The following CEP43 variants were observed in gnomAD, a reference collection of about 807,000 sequenced individuals.
The protein encoded by CEP43 is FGFR1 oncogene partner.
In CEP43, 36 loss-of-function variants were observed where a neutral mutation model predicts 52.6. The ratio of observed to expected loss-of-function variants is 0.68; its 90% CI spans 0.52 to 0.90. CEP43 has a LOEUF of 0.90. CEP43 is among the 40% of genes least tolerant of loss of function. The pLI is 0.00. For missense variants in CEP43, 506 were observed against 472.8 expected (o/e 1.07, Z -0.65); for synonymous variants, 192 against 172.4 (o/e 1.11, Z -0.89).
rs563784246 is a variant in CEP43, at chr6:167,026,421, T to C, written c.920-126T>C. On this transcript the variant is annotated intron_variant, in intron 9 of 12. Transcript: ENST00000366847. ...TCATTAATCACAGTTTATTTTTTCC[T>C]TAGTTTTAGGTTATTATGCTCCTGT... 206 of 667,872 alleles carry C rather than the reference T, an allele frequency of 3.1e-4. No individual in the cohort carries two copies. In the African/African-American group the frequency reaches 3.5e-3, roughly 11 times the overall value. 41.4% of individuals were successfully genotyped at this position (667,872 alleles called of 1,614,324 possible).
rs1348480376 is a variant in CEP43 at position 167,000,049 on chromosome 6, T to C, written c.103-11T>C. On this transcript the variant is annotated splice_polypyrimidine_tract_variant and intron_variant, in intron 1 of 12. Transcript: ENST00000366847. ...AAATTATAATTTCCTGTTTCTTAAC[T>C]TTTTTTTAAGGCTGAACTCCGAGCA... The C allele has an allele frequency of 6.2e-7, 1 of 1,600,968 alleles. No individual in the cohort carries two copies. Among genetic ancestry groups the C allele is most frequent in the African/African-American group, 1.3e-5 (1 of 74,452 alleles).
At chr6:167,010,173 G>A (rs1451324971) in intron 5 of CEP43, among the ~76,000 whole-genome samples, 1 of 152,224 alleles carries the variant, frequency 6.6e-6, no homozygotes, top group East Asian at 1.9e-4. Flanking sequence ...TGGATGAATT[G>A]TAGGAAGTGA....
At chr6:167,006,609 AAGTT>A (rs1360300682) in intron 5 of CEP43, among the ~76,000 whole-genome samples, 2 of 152,252 alleles carry the variant, frequency 1.3e-5, no homozygotes, top group Non-Finnish European at 2.9e-5. Context: ...TATTAGATAT[AAGTT>A]AGACACGATT....
At chr6:167,023,520 T>G (rs73028277) in intron 8 of CEP43, among the ~76,000 whole-genome samples, 3,083 of 152,236 alleles carry the variant, frequency 0.02, 51 homozygotes, top group East Asian at 0.091. Flanking sequence ...CTGTGCTAAG[T>G]TAGAGAAGAT....
In CEP43 at chr6:167,015,339, CCTTA is replaced by C. The variant is rs1472376238; in HGVS notation, c.579+1777_579+1780del. Reference sequence around the variant, plus strand: ...TGTACCCCATGTGGCCTATTGCCAGCCTTACTTATATGGGTAAGCCCTTAGCTCT... The same window carrying C: ...TGTACCCCATGTGGCCTATTGCCAGCCTTATATGGGTAAGCCCTTAGCTCT... On this transcript the variant is annotated intron_variant, in intron 7 of 12. Transcript: ENST00000366847. 2.6e-5 allele frequency among the ~76,000 whole-genome samples: 4 copies of C among 152,350 alleles called. No homozygotes were observed. The South Asian group carries it at 8.3e-4, about 32-fold the overall frequency.
chr6:167,023,302 G>T (rs183005658), intron 8 of CEP43, among the ~76,000 whole-genome samples: 86 of 152,306 alleles, frequency 5.6e-4, no homozygotes, highest in South Asian at 1.2e-3. Flanking sequence ...AGGTTGCTGG[G>T]GAAGGTTGGT....
intron 8 of CEP43, among the ~76,000 whole-genome samples, 188 bp downstream of exon 8, chr6:167,022,823 T>C (rs1171199902): frequency 6.6e-6 from 1 of 152,134 alleles, no homozygotes; most frequent in African/African-American, 2.4e-5. Flanking sequence ...TAGACATGAT[T>C]TATTCCAACA....
intron 10 of CEP43, among the ~76,000 whole-genome samples, chr6:167,027,413 A>G (rs1287629793): frequency 2.6e-5 from 4 of 152,068 alleles, no homozygotes; most frequent in African/African-American, 9.7e-5. Context: ...CAGGTTCTCA[A>G]TGGCCACTTC....
rs1342296341 is a variant in CEP43 at position 167,027,448 on chromosome 6, G to A, written c.988+833G>A. On this transcript the variant is annotated intron_variant, in intron 10 of 12. Coordinates refer to ENST00000366847, the MANE Select transcript of CEP43 (RefSeq NM_007045.4). ...CCTATGCTCTCTGTGGATGTGATGG[G>A]ATCCCTTCCTGGTCTGTAATCACTC... Among the ~76,000 whole-genome samples, 3 of 146,008 alleles carry A rather than the reference G, an allele frequency of 2.1e-5. No homozygotes were observed. In the South Asian group the frequency reaches 6.5e-4, roughly 31 times the overall value.
rs567966438 is a variant in CEP43 at position 167,022,955 on chromosome 6, A to G, written c.806+320A>G. 6.6e-5 allele frequency among the ~76,000 whole-genome samples: 10 copies of G among 152,134 alleles called. No homozygotes were observed. The South Asian group carries it at 1.0e-3, about 16-fold the overall frequency. On this transcript the variant is annotated intron_variant, in intron 8 of 12. Coordinates refer to ENST00000366847, the MANE Select transcript of CEP43 (RefSeq NM_007045.4). Reference sequence around the variant, plus strand: ...CATGCTCTGGTGACAGAGTCAGGCAATGAGGGTTATGCTGCAGTGTGTGGG... The same window carrying G: ...CATGCTCTGGTGACAGAGTCAGGCAGTGAGGGTTATGCTGCAGTGTGTGGG...
In CEP43 at chr6:167,041,721, C is replaced by T. The variant is rs1780699293; in HGVS notation, c.*1743C>T. ...TCGAACAGTAGCAACTGAAATTTGT[C>T]ACTTTTCTGTTACGCAGAGAATCAG... is the stretch of plus-strand genomic sequence containing the variant. On this transcript the variant is annotated 3_prime_UTR_variant, in exon 13 of 13. Coordinates refer to ENST00000366847, the MANE Select transcript of CEP43 (RefSeq NM_007045.4). 3 of 1,029,940 alleles carry T rather than the reference C, an allele frequency of 2.9e-6. No homozygotes were observed. Among genetic ancestry groups the T allele is most frequent in the South Asian group, 9.2e-5 (2 of 21,684 alleles). The allele number at this position is 1,029,940 out of a possible 1,614,324, so 63.8% of individuals were successfully genotyped here.
intron 5 of CEP43, among the ~76,000 whole-genome samples, chr6:167,004,670 C>T (rs1357087086): frequency 1.8e-5 from 1 of 56,498 alleles, no homozygotes; most frequent in Admixed American, 2.4e-4. Flanking sequence ...ATCCCAACTC[C>T]TCGTTGCCTC....
Position 167,004,395 on chromosome 6 carries a change from T to C in CEP43, c.432T>C (p.Thr144=). The C allele has an allele frequency of 1.3e-6, 2 of 1,588,216 alleles. No homozygotes were observed. Among genetic ancestry groups the C allele is most frequent in the Non-Finnish European group, 1.7e-6 (2 of 1,169,814 alleles). Residue 144 remains threonine (T), a synonymous_variant, in exon 5 of 13, where the codon ACT becomes ACC. Coordinates refer to ENST00000366847, the MANE Select transcript of CEP43 (RefSeq NM_007045.4). ...RCQQKEKGPT[T]GEGALDLSDV... is the part of the protein sequence containing the mutation. ...AACAGAAAGAAAAAGGGCCAACCACTGGGGAAGTAAGTAGAATTCTGTGTT... is the reference window on the plus strand; with the variant it reads ...AACAGAAAGAAAAAGGGCCAACCACCGGGGAAGTAAGTAGAATTCTGTGTT...
At chr6:167,029,722 C>T (rs1204926222) in intron 10 of CEP43, among the ~76,000 whole-genome samples, 1 of 152,216 alleles carries the variant, frequency 6.6e-6, no homozygotes, top group African/African-American at 2.4e-5. Context: ...GACCACCAAA[C>T]AGTCTTTGTG....
intron 11 of CEP43, among the ~76,000 whole-genome samples, chr6:167,033,068 A>G (rs1471112729): frequency 7.3e-6 from 1 of 136,550 alleles, no homozygotes; most frequent in Non-Finnish European, 1.6e-5. Context: ...ATATGTGGAT[A>G]TGTGGTCTGC....
At position 167,052,116 on chromosome 6, in the gene CEP43, C is replaced by G. The variant is rs1166153633; in HGVS notation, c.*12138C>G. On this transcript the variant is annotated 3_prime_UTR_variant, in exon 13 of 13. Coordinates refer to ENST00000366847, the MANE Select transcript of CEP43 (RefSeq NM_007045.4). ...TTTCCTTAATGAATGCTTGATGGCT[C>G]ACAATCTCCTTCTCAGTTTATCAGA... 6.6e-6 allele frequency: 1 copy of G among 152,192 alleles called. No individual in the cohort carries two copies. Among genetic ancestry groups the G allele is most frequent in the Non-Finnish European group, 1.5e-5 (1 of 68,022 alleles). 9.4% of individuals were successfully genotyped at this position (152,192 alleles called of 1,614,324 possible).
At chr6:167,002,999 A>G (rs868484716) in intron 2 of CEP43, among the ~76,000 whole-genome samples, 194 bp from the exon 3 acceptor site, 2 of 152,270 alleles carry the variant, frequency 1.3e-5, no homozygotes, top group South Asian at 4.1e-4. Context: ...TTAAAAATAC[A>G]AATCTTCATA....
chr6:167,030,476 T>G (rs1780444340), intron 10 of CEP43, among the ~76,000 whole-genome samples: 1 of 152,220 alleles, frequency 6.6e-6, no homozygotes, highest in Non-Finnish European at 1.5e-5. Context: ...GAGGCTACAG[T>G]GGAGACGAGC....
At chr6:167,033,177 C>G (rs1388125238) in intron 11 of CEP43, among the ~76,000 whole-genome samples, 1 of 120,980 alleles carries the variant, frequency 8.3e-6, no homozygotes, top group Non-Finnish European at 1.6e-5. Flanking sequence ...GTGGTGCGAT[C>G]TGGGCTCACT....
Sources: allele counts gnomAD v4.1 joint callset (sites outside exome capture counted in the v4.1 genomes callset), GRCh38; gene constraint gnomAD v4.1.1; transcripts MANE v1.5; gene names NCBI Gene and HGNC (gene_info 2026-07-23, HGNC 2026-07-21).